UBE2H: variants seen among roughly 807,000 people sequenced by gnomAD.
The protein encoded by UBE2H is ubiquitin-conjugating enzyme E2 H.
A neutral mutation model predicts 29.0 loss-of-function variants in UBE2H; 3 were observed. That is an observed-to-expected ratio of 0.10 (90% CI 0.05 to 0.27). The LOEUF is 0.27. Among genes scored for constraint, UBE2H ranks in the 10% least tolerant of loss-of-function variants. UBE2H has a pLI of 1.00. For synonymous variants in UBE2H, 69 were observed against 82.9 expected (o/e 0.83, Z 0.91); for missense variants, 68 against 228.2 (o/e 0.30, Z 4.52).
intron 1 of UBE2H, among the ~76,000 whole-genome samples, chr7:129,908,572 GT>G (rs1806866850): frequency 6.6e-6 from 1 of 152,096 alleles, no homozygotes; most frequent in African/African-American, 2.4e-5. Context: ...AAGCAAAATG[GT>G]TCATTTGTTA....
intron 1 of UBE2H, among the ~76,000 whole-genome samples, chr7:129,926,568 CTGAG>C (rs1807275236): frequency 6.6e-6 from 1 of 152,032 alleles, no homozygotes; most frequent in South Asian, 2.1e-4. Context: ...CCTCAGCCTC[CTGAG>C]TCGCTGAAAT....
Position 129,928,582 on chromosome 7 carries a change from G to A in UBE2H, c.53+23921C>T, listed in dbSNP as rs964799560. On this transcript the variant is annotated intron_variant, in intron 1 of 6. Coordinates refer to ENST00000355621, the MANE Select transcript of UBE2H (RefSeq NM_003344.4). ...TGCACCAATGCACTCCAGCCTGCGC[G>A]ACAAAGCGAGACTCCGTCTCAAAAA... Among the ~76,000 whole-genome samples the A allele has an allele frequency of 8.5e-5, 13 of 152,282 alleles. No individual in the cohort carries two copies. The South Asian group carries it at 1.9e-3, about 22-fold the overall frequency.
At chr7:129,950,160 C>T (rs1198848323) in intron 1 of UBE2H, among the ~76,000 whole-genome samples, 2 of 152,100 alleles carry the variant, frequency 1.3e-5, no homozygotes, top group East Asian at 1.9e-4. Context: ...AAAGGAAATC[C>T]GAAACATTTT....
At chr7:129,844,722 T>A (rs1003784297) in intron 5 of UBE2H, among the ~76,000 whole-genome samples, 1 of 152,352 alleles carries the variant, frequency 6.6e-6, no homozygotes, top group African/African-American at 2.4e-5. Flanking sequence ...TTAGACTCAA[T>A]TAGAACCAAA....
intron 6 of UBE2H, among the ~76,000 whole-genome samples, chr7:129,837,571 G>A (rs1429413258): frequency 6.6e-6 from 1 of 151,030 alleles, no homozygotes; most frequent in Non-Finnish European, 1.5e-5. Flanking sequence ...CCTGAAACAG[G>A]GAGACCTCTG....
Position 129,932,403 on chromosome 7 carries a change from G to A in UBE2H, c.53+20100C>T, listed in dbSNP as rs147787353. Among the ~76,000 whole-genome samples the A allele has an allele frequency of 5.9e-5, 9 of 151,950 alleles. No homozygotes were observed. In the East Asian group the frequency reaches 1.6e-3, roughly 26 times the overall value. ...CTCCCAAAGTGCTGGGATTATAGGC[G>A]TGAGGCACCACGCCCAGCCTACTTT... On this transcript the variant is annotated intron_variant, in intron 1 of 6. Coordinates refer to ENST00000355621, the MANE Select transcript of UBE2H (RefSeq NM_003344.4).
chr7:129,911,180 C>T (rs1316906175), intron 1 of UBE2H, among the ~76,000 whole-genome samples: 2 of 151,882 alleles, frequency 1.3e-5, no homozygotes, highest in Admixed American at 6.6e-5. Flanking sequence ...CTGGCTAACA[C>T]GGTGGAACCC....
chr7:129,842,864 T>C (rs1413270107), intron 5 of UBE2H, among the ~76,000 whole-genome samples: 7 of 151,908 alleles, frequency 4.6e-5, no homozygotes, highest in Non-Finnish European at 1.0e-4. Context: ...GACTGCGCCA[T>C]TGCACCGCAG....
At chr7:129,905,698 G>A (rs1806801953) in intron 1 of UBE2H, among the ~76,000 whole-genome samples, 2 of 152,182 alleles carry the variant, frequency 1.3e-5, no homozygotes, top group African/African-American at 4.8e-5. Context: ...ACAAGCCAAG[G>A]ATGATTCCAA....
chr7:129,857,490 A>C, intron 5 of UBE2H, 21 bp downstream of exon 5: 1 of 1,602,422 alleles, frequency 6.2e-7, no homozygotes. Flanking sequence ...TCTCCAAAAA[A>C]TATTCCATGG....
At chr7:129,924,611 T>TACATTCAC (rs1432600135) in intron 1 of UBE2H, among the ~76,000 whole-genome samples, 5 of 121,886 alleles carry the variant, frequency 4.1e-5, no homozygotes, top group Non-Finnish European at 8.9e-5. Context: ...GAAGGCCTTT[T>TACATTCAC]ACATTCACAC....
At chr7:129,871,942 G>C (rs1806044167) in intron 3 of UBE2H, among the ~76,000 whole-genome samples, 2 of 151,988 alleles carry the variant, frequency 1.3e-5, no homozygotes. Context: ...TGCCTCCTGG[G>C]TTCAAGTAAT....
intron 1 of UBE2H, among the ~76,000 whole-genome samples, chr7:129,938,413 CAAAAAAAAAAAAA>C (rs34454670): frequency 0.02 from 752 of 38,058 alleles, 13 homozygotes; most frequent in African/African-American, 0.09. Context: ...CTGCCTCATT[CAAAAAAAAAAAAA>C]AAAAAAAAAA....
intron 1 of UBE2H, among the ~76,000 whole-genome samples, chr7:129,924,772 A>G (rs1039877085): frequency 4.6e-5 from 7 of 151,998 alleles, no homozygotes; most frequent in Non-Finnish European, 1.0e-4. Context: ...CCAAGAAGGA[A>G]GTGAAAGCCC....
At chr7:129,925,217 G>A (rs73471919) in intron 1 of UBE2H, among the ~76,000 whole-genome samples, 118 of 152,004 alleles carry the variant, frequency 7.8e-4, no homozygotes, top group African/African-American at 2.7e-3. Flanking sequence ...GCGTAGTGGC[G>A]AGCTCCTGTA....
chr7:129,853,207 A>AAAATATATTTTGG (rs1563022745), intron 5 of UBE2H, among the ~76,000 whole-genome samples: 1 of 152,220 alleles, frequency 6.6e-6, no homozygotes, highest in Non-Finnish European at 1.5e-5. Context: ...GCAGGGTGAT[A>AAAATATATTTTGG]AGCCAACTAC....
At position 129,839,344 on chromosome 7, in the gene UBE2H, C is replaced by A. The variant is rs750390000; in HGVS notation, c.299-9G>T. The A allele has an allele frequency of 3.7e-6, 6 of 1,612,548 alleles. No homozygotes were observed. In the East Asian group the frequency reaches 1.1e-4, roughly 30 times the overall value. On this transcript the variant is annotated splice_polypyrimidine_tract_variant and intron_variant, in intron 5 of 6. Transcript: ENST00000355621. ...AAATATATTGGTAAGATCTGAAAAA[C>A]CAAACAAACATGTCACACATGGGAA...
At chr7:129,839,829 C>G (rs1805396722) in intron 5 of UBE2H, 1 of 160,358 alleles carries the variant, frequency 6.2e-6, no homozygotes, top group Non-Finnish European at 1.4e-5. Flanking sequence ...CCTGCCTCAG[C>G]CTCCCAAGTA....
chr7:129,864,710 C>A (rs1330929046), intron 3 of UBE2H, among the ~76,000 whole-genome samples: 1 of 151,868 alleles, frequency 6.6e-6, no homozygotes, highest in Non-Finnish European at 1.5e-5. Context: ...CACCACCACA[C>A]CCAGCTAATT....
Sources: gnomAD v4.1 joint callset for allele counts (sites outside exome capture counted in the v4.1 genomes callset) on GRCh38, gnomAD v4.1.1 for gene constraint, MANE v1.5 for transcripts, NCBI Gene and HGNC (gene_info 2026-07-23, HGNC 2026-07-21) for gene names.